The following TG variants were observed in gnomAD, a reference collection of about 807,000 sequenced individuals.
TG encodes thyroglobulin.
In TG, 270 loss-of-function variants were observed where a neutral mutation model predicts 324.7. That is an observed-to-expected ratio of 0.83 (90% CI 0.75 to 0.92). The LOEUF is 0.92. Among genes scored for constraint, TG ranks in the 40% least tolerant of loss-of-function variants. TG has a pLI of 0.00. For synonymous variants in TG, 1,401 were observed against 1,327.0 expected (o/e 1.06, Z -1.21); for missense variants, 3,591 against 3,456.4 (o/e 1.04, Z -0.98).
At chr8:133,097,158 G>C (rs1848549116) in intron 43 of TG, among the ~76,000 whole-genome samples, 1 of 152,206 alleles carries the variant, frequency 6.6e-6, no homozygotes, top group Admixed American at 6.5e-5. Context: ...TGCATGACAT[G>C]GGTCTCTGTT....
intron 35 of TG, chr8:132,995,168 C>T: frequency 2.1e-6 from 2 of 963,402 alleles, no homozygotes; most frequent in Non-Finnish European, 2.5e-6. Flanking sequence ...CTATGAATAA[C>T]CTAGGGAAAG....
rs1447570672 is a variant in TG at position 133,067,865 on chromosome 8, AGAAAGGAAGGAAGGAAGGAAGTATGTAT to A, written c.7240-27177_7240-27150del. ...GACAGAGAGAGAGAGAAAGAAAGAA[AGAAAGGAAGGAAGGAAGGAAGTATGTAT>A]GGAAGGAAGGAAGGAAGGAAGGAAA... is the stretch of plus-strand genomic sequence containing the variant. On this transcript the variant is annotated intron_variant, in intron 41 of 47. Coordinates refer to ENST00000220616, the MANE Select transcript of TG (RefSeq NM_003235.5). Among the ~76,000 whole-genome samples the A allele has an allele frequency of 4.5e-4, 24 of 53,686 alleles. No homozygotes were observed. The South Asian group carries it at 9.6e-3, about 22-fold the overall frequency. 35.2% of individuals were successfully genotyped at this position (53,686 alleles called of 152,430 possible).
Position 132,948,674 on chromosome 8 carries a change from C to T in TG, c.5234-102C>T. The T allele has an allele frequency of 1.4e-5, 17 of 1,254,134 alleles. No individual in the cohort carries two copies. In the South Asian group the frequency reaches 1.9e-4, roughly 14 times the overall value. 77.7% of individuals were successfully genotyped at this position (1,254,134 alleles called of 1,614,324 possible). ...AGTGTCTATGTCTTCTCCTGAGACGCTGTCACCTATCTTTATTTGCAAATG... is the reference window on the plus strand; with the variant it reads ...AGTGTCTATGTCTTCTCCTGAGACGTTGTCACCTATCTTTATTTGCAAATG... On this transcript the variant is annotated intron_variant, in intron 26 of 47. Coordinates refer to ENST00000220616, the MANE Select transcript of TG (RefSeq NM_003235.5).
chr8:132,925,978 A>G (rs1429198395), intron 22 of TG, among the ~76,000 whole-genome samples: 3 of 152,232 alleles, frequency 2.0e-5, no homozygotes, highest in African/African-American at 7.2e-5. Context: ...GCCTCCAGAT[A>G]GAGCTTCAGC....
intron 26 of TG, among the ~76,000 whole-genome samples, chr8:132,943,054 T>C (rs148013819): frequency 6.6e-6 from 1 of 152,268 alleles, no homozygotes; most frequent in Non-Finnish European, 1.5e-5. Context: ...GGGTAGAGGA[T>C]GTCTCCTTCT....
chr8:132,959,503 T>C (rs553948632), intron 27 of TG, among the ~76,000 whole-genome samples: 5 of 152,354 alleles, frequency 3.3e-5, no homozygotes, highest in South Asian at 4.1e-4. Context: ...CTGGGACTTT[T>C]TTTGTATGAA....
At chr8:133,036,604 C>T (rs1336458484) in intron 41 of TG, 1 of 152,330 alleles carries the variant, frequency 6.6e-6, no homozygotes, top group Non-Finnish European at 1.5e-5. Flanking sequence ...TGCTAACTGG[C>T]ACCAGGTTTC....
chr8:133,003,026 G>A, intron 35 of TG: 2 of 1,043,850 alleles, frequency 1.9e-6, no homozygotes, highest in South Asian at 3.6e-5. Context: ...TTTCCAAAAG[G>A]CTTGGAGAAC....
intron 41 of TG, among the ~76,000 whole-genome samples, chr8:133,064,963 GA>G (rs1421887232): frequency 1.3e-5 from 2 of 152,194 alleles, no homozygotes; most frequent in African/African-American, 2.4e-5. Flanking sequence ...ATAAAGCCAG[GA>G]ACTGAACCCT....
intron 45 of TG, among the ~76,000 whole-genome samples, chr8:133,126,600 G>A (rs1275685221): frequency 2.6e-5 from 4 of 151,880 alleles, no homozygotes; most frequent in African/African-American, 7.3e-5. Flanking sequence ...ACTATTTAGC[G>A]TACATCAGGG....
At chr8:133,042,131 C>A (rs1838374472) in intron 41 of TG, among the ~76,000 whole-genome samples, 1 of 152,074 alleles carries the variant, frequency 6.6e-6, no homozygotes, top group South Asian at 2.1e-4. Flanking sequence ...AACTGAGCAT[C>A]CCGAGATGAA....
Position 133,116,643 on chromosome 8 carries a change from G to A in TG, c.7789G>A (p.Ala2597Thr). The change falls in exon 45 of 48, where the codon GCC becomes ACC. Residue 2597 changes from alanine to threonine, a missense_variant. Transcript: ENST00000220616. Reference protein sequence around the residue: ...YFIICPIIDMASAWAKRARGN... With the variant: ...YFIICPIIDMTSAWAKRARGN... ...TATCATCTGCCCTATAATCGACATGGCCAGTGCCTGGGCAAAGAGGGCCCG... is the reference window on the plus strand; with the variant it reads ...TATCATCTGCCCTATAATCGACATGACCAGTGCCTGGGCAAAGAGGGCCCG... The A allele has an allele frequency of 6.2e-7, 1 of 1,614,232 alleles. No individual in the cohort carries two copies. Among genetic ancestry groups the A allele is most frequent in the Non-Finnish European group, 8.5e-7 (1 of 1,180,050 alleles).
rs559098934 is a variant in TG at position 133,002,726 on chromosome 8, C to T, written c.6263-9175C>T. ...TTCAGTTGAGCCCAGGTACCCTTCT[C>T]TTGGGCTTCTTTTTCTGATCATTTT... On this transcript the variant is annotated intron_variant, in intron 35 of 47. Coordinates refer to ENST00000220616, the MANE Select transcript of TG (RefSeq NM_003235.5). 1.6e-5 allele frequency: 4 copies of T among 250,030 alleles called. No individual in the cohort carries two copies. In the South Asian group the frequency reaches 2.3e-4, roughly 14 times the overall value. The allele number at this position is 250,030 out of a possible 1,614,324, so 15.5% of individuals were successfully genotyped here.
rs1036754438 is a variant in TG, at chr8:133,096,344, G to T, written c.7543G>T (p.Gly2515Trp). The T allele has an allele frequency of 6.2e-7, 1 of 1,614,054 alleles. No individual in the cohort carries two copies. The highest frequency in any genetic ancestry group is 8.5e-7 in the Non-Finnish European group (1 of 1,180,054). ...DLLIGSSQDD[G>W]LINRAKAVKQ... is the part of the protein sequence containing the mutation. ...GCTCATTGGGAGTTCTCAGGACGAC[G>T]GGCTCATCAACAGAGCAAAGGCTGT... is the stretch of plus-strand genomic sequence containing the variant. Residue 2515 changes from glycine (G) to tryptophan (W), a missense_variant, in exon 43 of 48, where the codon GGG becomes TGG. Transcript: ENST00000220616.
chr8:132,959,802 G>A (rs570573046), intron 27 of TG, among the ~76,000 whole-genome samples: 48 of 152,318 alleles, frequency 3.2e-4, no homozygotes, highest in African/African-American at 1.1e-3. Context: ...GGTAATATAA[G>A]GAAGGTTTTT....
intron 41 of TG, among the ~76,000 whole-genome samples, chr8:133,053,834 G>A (rs540823569): frequency 7.9e-5 from 12 of 152,304 alleles, no homozygotes; most frequent in Admixed American, 3.3e-4. Flanking sequence ...TGGAATTTCC[G>A]TAATAGTGAT....
At chr8:132,943,135 A>G (rs193101686) in intron 26 of TG, among the ~76,000 whole-genome samples, 12 of 152,192 alleles carry the variant, frequency 7.9e-5, no homozygotes, top group Admixed American at 4.6e-4. Context: ...TGCCTGATAC[A>G]ATTTGGATGT....
intron 26 of TG, among the ~76,000 whole-genome samples, chr8:132,943,148 G>T (rs187310286): frequency 3.3e-5 from 5 of 152,250 alleles, no homozygotes; most frequent in Admixed American, 2.6e-4. Flanking sequence ...TTGGATGTTT[G>T]TCCCTCCTCA....
At chr8:132,900,139 G>T (rs1033016794) in intron 14 of TG, 98 bp from the exon 15 acceptor site, 5 of 1,009,058 alleles carry the variant, frequency 5.0e-6, no homozygotes, top group Non-Finnish European at 7.6e-6. Flanking sequence ...GCCATCACCT[G>T]TTGTTTTGGA....
Sources: allele counts gnomAD v4.1 joint callset (sites outside exome capture counted in the v4.1 genomes callset), GRCh38; gene constraint gnomAD v4.1.1; transcripts MANE v1.5; gene names NCBI Gene and HGNC (gene_info 2026-07-23, HGNC 2026-07-21).